The following DIAPH2 variants were observed in gnomAD, a reference collection of about 807,000 sequenced individuals.
DIAPH2 encodes protein diaphanous homolog 2.
A neutral mutation model predicts 92.7 loss-of-function variants in DIAPH2; 35 were observed. The observed-to-expected ratio is 0.38, with a 90% confidence interval of 0.29 to 0.50. DIAPH2 has a LOEUF of 0.50. Ranked by LOEUF, DIAPH2 falls within the 20% of genes least tolerant of loss-of-function variation. The pLI, the probability that DIAPH2 is intolerant of heterozygous loss-of-function variation, is 0.94. For missense variants in DIAPH2, 701 were observed against 819.5 expected (o/e 0.86, Z 1.77); for synonymous variants, 301 against 280.4 (o/e 1.07, Z -0.73).
chrX:97,463,396 A>G (rs1181098536), intron 26 of DIAPH2, among the ~76,000 whole-genome samples: 6 of 95,961 alleles, frequency 6.3e-5, no homozygotes. Context: ...GTTTATTTTT[A>G]TTATTATTTT....
chrX:97,522,268 C>T (rs1442537117), intron 26 of DIAPH2, among the ~76,000 whole-genome samples: 1 of 112,050 alleles, frequency 8.9e-6, no homozygotes, highest in African/African-American at 3.2e-5. Context: ...GATCTTGTTA[C>T]TCTCTATACA....
At chrX:97,534,515 A>T (rs1222493015) in intron 26 of DIAPH2, among the ~76,000 whole-genome samples, 2 of 111,014 alleles carry the variant, frequency 1.8e-5, no homozygotes, top group Admixed American at 1.9e-4. Context: ...GCAAATCAGT[A>T]TTTTATATAT....
At chrX:97,356,819 G>A (rs1465696686) in intron 24 of DIAPH2, among the ~76,000 whole-genome samples, 1 of 111,386 alleles carries the variant, frequency 9.0e-6, no homozygotes, top group African/African-American at 3.3e-5. Context: ...TACTAGTATG[G>A]ATGGTTTTTA....
intron 17 of DIAPH2, among the ~76,000 whole-genome samples, chrX:97,038,775 C>T (rs1475996370): frequency 9.0e-6 from 1 of 110,862 alleles, no homozygotes; most frequent in Non-Finnish European, 1.9e-5. Flanking sequence ...AATGCCTGTT[C>T]ATGTGATTTG....
chrX:96,863,926 G>C (rs1240159518), intron 4 of DIAPH2, among the ~76,000 whole-genome samples: 1 of 110,512 alleles, frequency 9.0e-6, no homozygotes, highest in Non-Finnish European at 1.9e-5. Flanking sequence ...AGCCGAGCAT[G>C]GTGGTGCGCA....
At chrX:97,439,214 G>A (rs954922368) in intron 26 of DIAPH2, among the ~76,000 whole-genome samples, 15 of 110,869 alleles carry the variant, frequency 1.4e-4, no homozygotes, top group African/African-American at 4.9e-4. Flanking sequence ...GATCTCTTGA[G>A]CCCAGGAGTT....
chrX:97,542,231 G>GT (rs768119357), intron 26 of DIAPH2, among the ~76,000 whole-genome samples: 2 of 112,076 alleles, frequency 1.8e-5, no homozygotes, highest in East Asian at 5.7e-4. Flanking sequence ...CAGTTGTGTG[G>GT]TAAGTTATGT....
rs1227581684 is a variant in DIAPH2, at chrX:96,746,396, C to T, written c.342+7634C>T. 5.4e-5 allele frequency among the ~76,000 whole-genome samples: 6 copies of T among 111,711 alleles called. No individual in the cohort carries two copies. In the Admixed American group the frequency reaches 5.7e-4, roughly 11 times the overall value. ...TTTATAAGATTGATAAAATTACCTG[C>T]ATGGGGTAAATCACACTTGCTCTTT... On this transcript the variant is annotated intron_variant, in intron 3 of 26. Transcript: ENST00000324765.
At chrX:97,418,268 AAAG>A (rs1440202794) in intron 25 of DIAPH2, among the ~76,000 whole-genome samples, 8 of 112,345 alleles carry the variant, frequency 7.1e-5, no homozygotes, top group African/African-American at 1.3e-4. Flanking sequence ...ATAATGAAAG[AAAG>A]AAGAACATTA....
At chrX:97,043,070 G>A (rs1001043733) in intron 17 of DIAPH2, among the ~76,000 whole-genome samples, 1 of 111,404 alleles carries the variant, frequency 9.0e-6, no homozygotes, top group Non-Finnish European at 1.9e-5. Flanking sequence ...TGGTTAAAAA[G>A]GTCACAAATT....
chrX:97,161,056 T>TG (rs1228765219), intron 22 of DIAPH2, among the ~76,000 whole-genome samples: 2 of 105,517 alleles, frequency 1.9e-5, no homozygotes, highest in South Asian at 4.3e-4. Flanking sequence ...TTTTTGTTTT[T>TG]TTTTTTTTTT....
intron 3 of DIAPH2, among the ~76,000 whole-genome samples, chrX:96,743,591 G>A (rs75533209): frequency 0.1 from 11,483 of 111,344 alleles, 541 homozygotes; most frequent in East Asian, 0.32. Context: ...GCTAGGCATA[G>A]AAAGACAAAT....
chrX:97,532,395 C>A (rs899342564), intron 26 of DIAPH2, among the ~76,000 whole-genome samples: 4 of 112,565 alleles, frequency 3.6e-5, no homozygotes, highest in Non-Finnish European at 7.5e-5. Flanking sequence ...TTCTACTTTT[C>A]ATTTTGTATT....
chrX:97,474,530 C>T (rs1161493785), intron 26 of DIAPH2, among the ~76,000 whole-genome samples: 1 of 111,292 alleles, frequency 9.0e-6, no homozygotes, highest in African/African-American at 3.3e-5. Context: ...TTTGGGAGGC[C>T]GAGGCGGGTA....
chrX:97,322,473 G>A (rs2068906598), intron 23 of DIAPH2, among the ~76,000 whole-genome samples: 1 of 111,499 alleles, frequency 9.0e-6, no homozygotes, highest in South Asian at 3.8e-4. Context: ...TACTTCCAAA[G>A]GGCACTGGTG....
intron 4 of DIAPH2, among the ~76,000 whole-genome samples, chrX:96,822,283 C>T (rs1442279512): frequency 9.0e-6 from 1 of 111,431 alleles, no homozygotes; most frequent in East Asian, 2.8e-4. Context: ...TACAGTAAAA[C>T]ACAGGAATAG....
chrX:97,136,290 A>G (rs1344385802), intron 21 of DIAPH2, among the ~76,000 whole-genome samples: 1 of 111,885 alleles, frequency 8.9e-6, no homozygotes, highest in African/African-American at 3.2e-5. Context: ...ATCTTATTCA[A>G]TTCTGCAAAC....
At chrX:96,866,983 T>C (rs1193722641) in intron 4 of DIAPH2, among the ~76,000 whole-genome samples, 1 of 111,841 alleles carries the variant, frequency 8.9e-6, no homozygotes, top group East Asian at 2.8e-4. Flanking sequence ...AATTCACAAC[T>C]TAGGTCCTTA....
chrX:96,983,942 G>T (rs1320944728), intron 17 of DIAPH2, among the ~76,000 whole-genome samples: 1 of 111,787 alleles, frequency 8.9e-6, no homozygotes, highest in South Asian at 3.7e-4. Context: ...TTATTACCAA[G>T]AACTAAGTTT....
Sources: gnomAD v4.1 joint callset for allele counts (sites outside exome capture counted in the v4.1 genomes callset) on GRCh38, gnomAD v4.1.1 for gene constraint, MANE v1.5 for transcripts, NCBI Gene and HGNC (gene_info 2026-07-23, HGNC 2026-07-21) for gene names.